PHACTR1: variants seen among roughly 807,000 people sequenced by gnomAD.
PHACTR1 encodes phosphatase and actin regulator 1.
Under a neutral mutation model 69.2 loss-of-function variants are expected in PHACTR1, and 16 were observed. The ratio of observed to expected loss-of-function variants is 0.23; its 90% confidence interval spans 0.16 to 0.35. The LOEUF (loss-of-function observed/expected upper bound fraction) is 0.35, where lower values mean the gene tolerates loss of function less well. Ranked by LOEUF, PHACTR1 falls within the 10% of genes least tolerant of loss-of-function variation. PHACTR1 has a pLI of 1.00. For missense variants in PHACTR1, 510 were observed against 734.7 expected (o/e 0.69, Z 3.54); for synonymous variants, 312 against 284.5 (o/e 1.10, Z -0.97).
At chr6:13,225,296 T>C (rs2127298245) in intron 8 of PHACTR1, among the ~76,000 whole-genome samples, 1 of 152,324 alleles carries the variant, frequency 6.6e-6, no homozygotes, top group Non-Finnish European at 1.5e-5. Context: ...AAATTAGGCA[T>C]TCAAGCACAT....
Position 12,775,016 on chromosome 6 carries a change from G to C in PHACTR1, c.250+25226G>C, listed in dbSNP as rs539185151. On this transcript the variant is annotated intron_variant, in intron 4 of 14. Coordinates refer to ENST00000332995, the MANE Select transcript of PHACTR1 (RefSeq NM_030948.6). ...CGTGTCCAACTTGTGAAGTGTCCAG[G>C]GGATGAGGGTGTCGGGCAGGAGCCT... 4.6e-5 allele frequency among the ~76,000 whole-genome samples: 7 copies of C among 152,252 alleles called. No homozygotes were observed. In the East Asian group the frequency reaches 1.4e-3, roughly 29 times the overall value.
intron 5 of PHACTR1, among the ~76,000 whole-genome samples, chr6:13,109,134 T>C (rs1816615353): frequency 6.6e-6 from 1 of 152,100 alleles, no homozygotes. Context: ...AAATGCACTT[T>C]ATTTCAACAT....
intron 10 of PHACTR1, among the ~76,000 whole-genome samples, chr6:13,238,244 C>T (rs909200125): frequency 3.9e-5 from 6 of 152,164 alleles, no homozygotes; most frequent in Non-Finnish European, 8.8e-5. Context: ...ACACTGAAGG[C>T]GTGGAAACTG....
intron 7 of PHACTR1, among the ~76,000 whole-genome samples, chr6:13,183,771 C>A (rs1037267029): frequency 6.6e-6 from 1 of 152,120 alleles, no homozygotes; most frequent in Non-Finnish European, 1.5e-5. Context: ...TAAAAAGAAT[C>A]CAGACTTCCT....
intron 4 of PHACTR1, 101 bp downstream of exon 4, chr6:12,749,891 C>A: frequency 1.8e-6 from 2 of 1,131,008 alleles, no homozygotes; most frequent in African/African-American, 1.6e-5. Flanking sequence ...CGCCGCCCCC[C>A]GCAGTCGGGC....
chr6:13,009,189 T>C (rs1035363275), intron 4 of PHACTR1, among the ~76,000 whole-genome samples: 7 of 152,210 alleles, frequency 4.6e-5, no homozygotes, highest in African/African-American at 1.7e-4. Flanking sequence ...GATAATCTCC[T>C]CATCTCAAGA....
At chr6:12,724,885 C>T (rs544482592) in intron 3 of PHACTR1, among the ~76,000 whole-genome samples, 1 of 152,134 alleles carries the variant, frequency 6.6e-6, no homozygotes, top group African/African-American at 2.4e-5. Context: ...CATTAAAAGG[C>T]AGCCAAATGA....
At chr6:12,814,545 G>A (rs900907864) in intron 4 of PHACTR1, among the ~76,000 whole-genome samples, 2 of 152,164 alleles carry the variant, frequency 1.3e-5, no homozygotes, top group Non-Finnish European at 2.9e-5. Flanking sequence ...CTAGTTTTGT[G>A]TGAACTTGAG....
chr6:12,834,589 GT>G (rs1319980797), intron 4 of PHACTR1, among the ~76,000 whole-genome samples: 5 of 152,144 alleles, frequency 3.3e-5, no homozygotes, highest in Admixed American at 1.3e-4. Context: ...CTATGGCCAG[GT>G]GCACACACAA....
At chr6:13,110,155 T>C (rs929628301) in intron 5 of PHACTR1, among the ~76,000 whole-genome samples, 2 of 152,134 alleles carry the variant, frequency 1.3e-5, no homozygotes, top group African/African-American at 4.8e-5. Context: ...CTGATTTTTT[T>C]TCCTGGTTGT....
chr6:12,728,123 G>A (rs1000304787), intron 3 of PHACTR1, among the ~76,000 whole-genome samples: 1 of 152,070 alleles, frequency 6.6e-6, no homozygotes, highest in Non-Finnish European at 1.5e-5. Flanking sequence ...ACTAGCCTGG[G>A]CAAAATAACA....
chr6:13,121,804 A>G (rs1818782100), intron 5 of PHACTR1, among the ~76,000 whole-genome samples: 1 of 152,202 alleles, frequency 6.6e-6, no homozygotes, highest in African/African-American at 2.4e-5. Context: ...CTTCATGGAA[A>G]GCAGGCTGTG....
At chr6:12,835,750 C>T (rs772946643) in intron 4 of PHACTR1, among the ~76,000 whole-genome samples, 1 of 151,954 alleles carries the variant, frequency 6.6e-6, no homozygotes, top group Non-Finnish European at 1.5e-5. Flanking sequence ...TGTTTTATTT[C>T]GATTTTGCTG....
intron 4 of PHACTR1, among the ~76,000 whole-genome samples, chr6:12,931,190 A>G (rs562513340): frequency 6.6e-6 from 1 of 152,326 alleles, no homozygotes; most frequent in African/African-American, 2.4e-5. Flanking sequence ...GCCATCCTTA[A>G]CAAGTGGTTT....
At chr6:12,942,397 C>T (rs1436485757) in intron 4 of PHACTR1, among the ~76,000 whole-genome samples, 1 of 152,102 alleles carries the variant, frequency 6.6e-6, no homozygotes, top group African/African-American at 2.4e-5. Context: ...TTTTGAAATA[C>T]CCTGCCCTGT....
At chr6:13,162,275 T>TTTTGTTTGTTTG (rs144466160) in intron 6 of PHACTR1, among the ~76,000 whole-genome samples, 282 of 149,842 alleles carry the variant, frequency 1.9e-3, no homozygotes, top group African/African-American at 5.9e-3. Flanking sequence ...ACTTTTGTTT[T>TTTTGTTTGTTTG]TTTGTTTGTT....
At chr6:12,885,869 C>G (rs962987842) in intron 4 of PHACTR1, among the ~76,000 whole-genome samples, 2 of 152,102 alleles carry the variant, frequency 1.3e-5, no homozygotes, top group African/African-American at 4.8e-5. Context: ...CCGAGGCGGG[C>G]GTATCACCTG....
intron 4 of PHACTR1, among the ~76,000 whole-genome samples, chr6:13,006,771 C>A (rs926492146): frequency 6.6e-6 from 1 of 152,170 alleles, no homozygotes; most frequent in African/African-American, 2.4e-5. Flanking sequence ...AACACAAGTT[C>A]ATGTCTCATA....
At position 12,765,755 on chromosome 6, in the gene PHACTR1, G is replaced by A. The variant is rs114546976; in HGVS notation, c.250+15965G>A. 3.5e-3 allele frequency among the ~76,000 whole-genome samples: 537 copies of A among 152,126 alleles called. 3 individuals are homozygous for A. The highest frequency in any genetic ancestry group is 0.012 in the African/African-American group (478 of 41,506). On this transcript the variant is annotated intron_variant, in intron 4 of 14. Transcript: ENST00000332995. ...GTGTTTAGGTCATATGGAAAGAAAG[G>A]GTTATTTTGATTTTTACTCATGTTA...
Sources: allele counts gnomAD v4.1 joint callset (sites outside exome capture counted in the v4.1 genomes callset), GRCh38; gene constraint gnomAD v4.1.1; transcripts MANE v1.5; gene names NCBI Gene and HGNC (gene_info 2026-07-23, HGNC 2026-07-21).